Variants in GRM8 observed in about 807,000 individuals in gnomAD.
GRM8 encodes glutamate metabotropic receptor 8.
A neutral mutation model predicts 87.2 loss-of-function variants in GRM8; 47 were observed. The ratio of observed to expected loss-of-function variants is 0.54; its 90% confidence interval spans 0.43 to 0.69. The LOEUF (loss-of-function observed/expected upper bound fraction) is 0.69. Ranked by LOEUF, GRM8 falls within the 30% of genes least tolerant of loss-of-function variation. The pLI, the probability that GRM8 is intolerant of heterozygous loss-of-function variation, is 0.00. For synonymous variants in GRM8, 396 were observed against 404.5 expected, an observed-to-expected ratio of 0.98 and a Z score of 0.25; for missense variants, 1,019 against 1,139.2, an observed-to-expected ratio of 0.89 and a Z score of 1.52.
intron 2 of GRM8, among the ~76,000 whole-genome samples, chr7:127,112,978 A>T (rs1826468891): frequency 6.6e-6 from 1 of 152,156 alleles, no homozygotes; most frequent in Non-Finnish European, 1.5e-5. Flanking sequence ...TATTCCAGAC[A>T]GGGAAAAAAG....
chr7:126,818,515 T>TA (rs950729195), intron 6 of GRM8, among the ~76,000 whole-genome samples: 8 of 151,996 alleles, frequency 5.3e-5, no homozygotes, highest in African/African-American at 1.2e-4. Flanking sequence ...CTCAATGCAA[T>TA]AAAAAAAATC....
chr7:126,498,790 T>C (rs1180449434), intron 9 of GRM8, among the ~76,000 whole-genome samples: 1 of 151,998 alleles, frequency 6.6e-6, no homozygotes. Context: ...ATGTAGCTAA[T>C]GTGTCAAATT....
chr7:126,493,823 C>A (rs569244357), intron 9 of GRM8, among the ~76,000 whole-genome samples: 3 of 152,100 alleles, frequency 2.0e-5, no homozygotes, highest in African/African-American at 7.2e-5. Context: ...TATATGGTTC[C>A]CTCTGGAAGG....
intron 8 of GRM8, among the ~76,000 whole-genome samples, chr7:126,585,329 C>T (rs1181189183): frequency 6.6e-6 from 1 of 152,086 alleles, no homozygotes; most frequent in Admixed American, 6.6e-5. Flanking sequence ...GAATTAAAAA[C>T]ACATCTCCTA....
intron 3 of GRM8, among the ~76,000 whole-genome samples, chr7:126,939,615 C>G (rs1462307273): frequency 6.6e-6 from 1 of 152,144 alleles, no homozygotes; most frequent in Non-Finnish European, 1.5e-5. Context: ...AAAATTGTGC[C>G]TGCATGTATT....
At position 126,586,185 on chromosome 7, in the gene GRM8, T is replaced by C. The variant is rs138288170; in HGVS notation, c.1494+23177A>G. Among the ~76,000 whole-genome samples, 1,204 of 152,034 alleles carry C rather than the reference T, an allele frequency of 7.9e-3. 9 individuals carry two copies. The highest frequency in any genetic ancestry group is 0.014 in the Middle Eastern group (4 of 294). On this transcript the variant is annotated intron_variant, in intron 8 of 10. Transcript: ENST00000339582. ...CACTGCTCAACGAAAAAAAAGTGGA[T>C]ACAAACAAATGGAAGAACATTCCAT...
intron 3 of GRM8, among the ~76,000 whole-genome samples, chr7:127,101,715 T>C (rs1825278566): frequency 6.6e-6 from 1 of 152,088 alleles, no homozygotes. Flanking sequence ...CAGTCTTGGG[T>C]ATTTCTTTAT....
At chr7:126,805,892 C>G (rs534150177) in intron 6 of GRM8, among the ~76,000 whole-genome samples, 1 of 152,326 alleles carries the variant, frequency 6.6e-6, no homozygotes, top group African/African-American at 2.4e-5. Flanking sequence ...ACTTTCGGTT[C>G]TCTCCAGACC....
chr7:126,990,606 C>T (rs193265424), intron 3 of GRM8, among the ~76,000 whole-genome samples: 5 of 152,278 alleles, frequency 3.3e-5, no homozygotes, highest in African/African-American at 1.2e-4. Flanking sequence ...AAATGCTTTC[C>T]AATGGAGATG....
At chr7:126,628,292 A>G (rs538097846) in intron 7 of GRM8, among the ~76,000 whole-genome samples, 35 of 152,100 alleles carry the variant, frequency 2.3e-4, no homozygotes, top group South Asian at 2.3e-3. Flanking sequence ...TGAACCGCCT[A>G]CCTCAGCCTC....
chr7:126,927,927 T>C (rs1012308043), intron 3 of GRM8, among the ~76,000 whole-genome samples: 2 of 152,220 alleles, frequency 1.3e-5, no homozygotes, highest in Admixed American at 6.5e-5. Flanking sequence ...TGTATGTTTA[T>C]TGTGGCACTG....
At chr7:126,990,253 T>C (rs1397990561) in intron 3 of GRM8, among the ~76,000 whole-genome samples, 1 of 151,884 alleles carries the variant, frequency 6.6e-6, no homozygotes, top group Non-Finnish European at 1.5e-5. Context: ...CAGCTAAGCA[T>C]TGCCCTGGAC....
rs539396699 is a variant in GRM8 at position 126,876,275 on chromosome 7, G to A, written c.1156+26267C>T. Among the ~76,000 whole-genome samples, 9 of 152,212 alleles carry A rather than the reference G, an allele frequency of 5.9e-5. No homozygotes were observed. The South Asian group carries it at 6.2e-4, about 11-fold the overall frequency. ...TGAATGTCTGCAATATGGAAAAAACGCTCCATTGGTGTTTGTTGAAAGGAT... is the reference window on the plus strand; with the variant it reads ...TGAATGTCTGCAATATGGAAAAAACACTCCATTGGTGTTTGTTGAAAGGAT... On this transcript the variant is annotated intron_variant, in intron 6 of 10. Coordinates refer to ENST00000339582, the MANE Select transcript of GRM8 (RefSeq NM_000845.3).
intron 7 of GRM8, among the ~76,000 whole-genome samples, chr7:126,731,994 G>A (rs1483924261): frequency 6.6e-6 from 1 of 151,780 alleles, no homozygotes; most frequent in Non-Finnish European, 1.5e-5. Context: ...TTTGATATTG[G>A]AAGAATTGCC....
chr7:127,109,465 C>T (rs559687366), intron 2 of GRM8, among the ~76,000 whole-genome samples: 2 of 152,302 alleles, frequency 1.3e-5, no homozygotes, highest in Admixed American at 1.3e-4. Flanking sequence ...TACCTTCTCT[C>T]CATATTCTCA....
At chr7:127,086,303 T>C (rs1460644082) in intron 3 of GRM8, among the ~76,000 whole-genome samples, 3 of 152,178 alleles carry the variant, frequency 2.0e-5, no homozygotes, top group Non-Finnish European at 4.4e-5. Flanking sequence ...GGTTTCACCA[T>C]ATTAGCCAGG....
At chr7:126,690,052 C>T (rs915185924) in intron 7 of GRM8, among the ~76,000 whole-genome samples, 1 of 152,204 alleles carries the variant, frequency 6.6e-6, no homozygotes, top group Non-Finnish European at 1.5e-5. Flanking sequence ...GTTTCCAGGG[C>T]TAAACTTCTT....
chr7:126,754,323 T>C (rs1253327028), intron 7 of GRM8, among the ~76,000 whole-genome samples: 1 of 151,916 alleles, frequency 6.6e-6, no homozygotes, highest in East Asian at 1.9e-4. Context: ...AACAGTATCA[T>C]GCCTAAATTA....
intron 2 of GRM8, among the ~76,000 whole-genome samples, chr7:127,217,779 T>C (rs1386315894): frequency 6.6e-6 from 1 of 152,260 alleles, no homozygotes; most frequent in Non-Finnish European, 1.5e-5. Context: ...TGATTTCTTT[T>C]GTGCTGGTTT....
Sources: allele counts gnomAD v4.1 joint callset (sites outside exome capture counted in the v4.1 genomes callset), GRCh38; gene constraint gnomAD v4.1.1; transcripts MANE v1.5; gene names NCBI Gene and HGNC (gene_info 2026-07-23, HGNC 2026-07-21).